The following ALK variants were observed in gnomAD, a reference collection of about 807,000 sequenced individuals.
ALK encodes the protein ALK receptor tyrosine kinase, also known as ALK tyrosine kinase receptor.
ALK carries 74 observed loss-of-function variants against 163.1 expected under a neutral mutation model. The observed-to-expected ratio is 0.45, with a 90% CI of 0.38 to 0.55. The LOEUF (loss-of-function observed/expected upper bound fraction) is 0.55. Ranked by LOEUF, ALK falls within the 20% of genes least tolerant of loss-of-function variation. The pLI is 0.00. For synonymous variants in ALK, 960 were observed against 843.2 expected, an observed-to-expected ratio of 1.14 and a Z score of -2.40; for missense variants, 2,063 against 2,105.3, an observed-to-expected ratio of 0.98 and a Z score of 0.39.
chr2:29,882,354 T>C (rs1666888751), intron 1 of ALK, among the ~76,000 whole-genome samples: 1 of 152,222 alleles, frequency 6.6e-6, no homozygotes, highest in Non-Finnish European at 1.5e-5. Context: ...TGTCTCAATA[T>C]AAACCATTAC....
intron 5 of ALK, among the ~76,000 whole-genome samples, chr2:29,375,289 G>C (rs1460269340): frequency 1.3e-5 from 2 of 151,672 alleles, no homozygotes; most frequent in Non-Finnish European, 2.9e-5. Flanking sequence ...CTACTGACAT[G>C]TTGTTATCCC....
intron 1 of ALK, among the ~76,000 whole-genome samples, chr2:29,796,676 C>T (rs1386252320): frequency 6.6e-6 from 1 of 152,072 alleles, no homozygotes; most frequent in Non-Finnish European, 1.5e-5. Flanking sequence ...GTTGTTTAAA[C>T]TCGTTTCTTT....
intron 5 of ALK, among the ~76,000 whole-genome samples, chr2:29,353,120 TG>T (rs1668159844): frequency 6.6e-6 from 1 of 152,218 alleles, no homozygotes; most frequent in Non-Finnish European, 1.5e-5. Context: ...CTCCTCAAAT[TG>T]CTCCTGGGGA....
intron 1 of ALK, among the ~76,000 whole-genome samples, chr2:29,780,314 G>C (rs1200469947): frequency 6.6e-6 from 1 of 152,152 alleles, no homozygotes. Context: ...TTGTCTCTAA[G>C]GGAGCCCATT....
rs541823202 is a variant in ALK, at chr2:29,798,918, C to T, written c.668-81221G>A. 1.2e-4 allele frequency among the ~76,000 whole-genome samples: 18 copies of T among 152,274 alleles called. 1 individual carries two copies. Among genetic ancestry groups the T allele is most frequent in the African/African-American group, 4.1e-4 (17 of 41,558 alleles). ...CGAGGACACTGCATTTAGTCAGGGG[C>T]CTTGGCTCTATTCCTCCTGTGCTTA... On this transcript the variant is annotated intron_variant, in intron 1 of 28. Coordinates refer to ENST00000389048, the MANE Select transcript of ALK (RefSeq NM_004304.5).
chr2:29,371,852 C>A (rs1204551883), intron 5 of ALK, among the ~76,000 whole-genome samples: 1 of 152,194 alleles, frequency 6.6e-6, no homozygotes. Flanking sequence ...GCACCTCCTC[C>A]TCATGTTCCT....
At position 29,313,206 on chromosome 2, in the gene ALK, G is replaced by A. The variant is rs183956443; in HGVS notation, c.1647+5098C>T. 3.3e-4 allele frequency among the ~76,000 whole-genome samples: 50 copies of A among 152,290 alleles called. No individual in the cohort carries two copies. The East Asian group carries it at 7.7e-3, about 24-fold the overall frequency. ...TATTCTTCTCCCTAGATGGTCATCC[G>A]TTCTATGCAGAAGGTAAACTGGCTC... On this transcript the variant is annotated intron_variant, in intron 8 of 28. Transcript: ENST00000389048.
intron 1 of ALK, among the ~76,000 whole-genome samples, chr2:29,753,090 C>T (rs1011947294): frequency 6.6e-5 from 10 of 152,090 alleles, no homozygotes; most frequent in Non-Finnish European, 1.3e-4. Context: ...CAGTTCTGCC[C>T]GTGGCAGAAA....
At chr2:29,731,626 G>T (rs554229737) in intron 1 of ALK, among the ~76,000 whole-genome samples, 1 of 152,240 alleles carries the variant, frequency 6.6e-6, no homozygotes, top group East Asian at 1.9e-4. Flanking sequence ...GATACAGGTA[G>T]GTCACACTCA....
intron 8 of ALK, among the ~76,000 whole-genome samples, chr2:29,313,082 T>A (rs1328465830): frequency 6.6e-6 from 1 of 152,166 alleles, no homozygotes; most frequent in East Asian, 1.9e-4. Context: ...AGTGTAGCAT[T>A]GCTTGGCCAT....
intron 1 of ALK, among the ~76,000 whole-genome samples, chr2:29,768,075 C>T (rs570455165): frequency 2.0e-5 from 3 of 152,246 alleles, no homozygotes; most frequent in South Asian, 2.1e-4. Flanking sequence ...AGGTGGATAT[C>T]GGCTGGAGTA....
intron 3 of ALK, among the ~76,000 whole-genome samples, chr2:29,614,075 T>C (rs1287283582): frequency 2.0e-5 from 3 of 152,066 alleles, no homozygotes; most frequent in African/African-American, 7.2e-5. Flanking sequence ...TCAGAGAAAG[T>C]GAGGAGGAGC....
intron 6 of ALK, among the ~76,000 whole-genome samples, chr2:29,323,099 C>T (rs1296540026): frequency 2.0e-5 from 3 of 152,204 alleles, no homozygotes; most frequent in African/African-American, 7.2e-5. Flanking sequence ...TTACAAAAGT[C>T]CCTTCTTCCT....
chr2:29,769,375 G>C (rs1197069761), intron 1 of ALK, among the ~76,000 whole-genome samples: 1 of 152,066 alleles, frequency 6.6e-6, no homozygotes, highest in Non-Finnish European at 1.5e-5. Flanking sequence ...ATGACAAATA[G>C]AGAGTAAGGA....
At chr2:29,305,313 A>AAG (rs990707021) in intron 8 of ALK, among the ~76,000 whole-genome samples, 6 of 152,272 alleles carry the variant, frequency 3.9e-5, no homozygotes, top group South Asian at 4.2e-4. Flanking sequence ...GAGAGAGAAA[A>AAG]AGAGAGAGAG....
intron 1 of ALK, among the ~76,000 whole-genome samples, chr2:29,857,787 T>C (rs571912467): frequency 8.4e-4 from 128 of 152,334 alleles, no homozygotes; most frequent in Admixed American, 1.5e-3. Context: ...GAATGAACAG[T>C]TCAGTTCAAC....
At chr2:29,454,513 A>C (rs1221886981) in intron 4 of ALK, among the ~76,000 whole-genome samples, 1 of 152,120 alleles carries the variant, frequency 6.6e-6, no homozygotes, top group Non-Finnish European at 1.5e-5. Flanking sequence ...CAAATGCAGA[A>C]CCCACAGACA....
chr2:29,398,962 G>C lies in ALK; in HGVS notation c.1155-15103C>G, dbSNP rs559703965. Among the ~76,000 whole-genome samples, 4 of 152,262 alleles carry C rather than the reference G, an allele frequency of 2.6e-5. No homozygotes were observed. The South Asian group carries it at 8.3e-4, about 32-fold the overall frequency. On this transcript the variant is annotated intron_variant, in intron 4 of 28. Transcript: ENST00000389048. The stretch of plus-strand genomic sequence containing the variant: ...ATGGCTACAGGGTGAGGCTTGTGTG[G>C]CAGGAGCTGCTGCAGGGGTATCTGA...
chr2:29,830,167 C>T (rs772886133), intron 1 of ALK, among the ~76,000 whole-genome samples: 1 of 152,172 alleles, frequency 6.6e-6, no homozygotes, highest in Non-Finnish European at 1.5e-5. Context: ...AACTTGTTTT[C>T]TATTATTTAT....
Sources: allele counts gnomAD v4.1 joint callset (sites outside exome capture counted in the v4.1 genomes callset), GRCh38; gene constraint gnomAD v4.1.1; transcripts MANE v1.5; gene names NCBI Gene and HGNC (gene_info 2026-07-23, HGNC 2026-07-21).